The following KRT35 variants were observed in gnomAD, a reference collection of about 807,000 sequenced individuals.
KRT35 encodes the protein keratin, type I cuticular Ha5.
Under a neutral mutation model 42.2 loss-of-function variants are expected in KRT35, and 33 were observed. The ratio of observed to expected loss-of-function variants is 0.78; its 90% CI spans 0.59 to 1.05. The LOEUF (loss-of-function observed/expected upper bound fraction) is 1.05. KRT35 is among the 50% of genes least tolerant of loss of function. KRT35 has a pLI of 0.00. For synonymous variants in KRT35, 218 were observed against 238.2 expected, an observed-to-expected ratio of 0.92 and a Z score of 0.78; for missense variants, 585 against 589.2, an observed-to-expected ratio of 0.99 and a Z score of 0.07.
chr17:41,480,847 C>G lies in KRT35; in HGVS notation c.251G>C (p.Gly84Ala). Residue 84 changes from glycine to alanine, a missense_variant, in exon 1 of 7, where the codon GGT (glycine) becomes GCT (alanine). By Grantham distance (60) the Gly-to-Ala change is moderately conservative. Transcript: ENST00000246639. ...AGGFATSYSG[G>A]GGWFGEGILT... ...GATGCCCTCCCCAAACCAGCCCCCA[C>G]CCCCACTGTAGCTGGTAGCGAAGCC... 1 of 1,614,094 alleles carries G rather than the reference C, an allele frequency of 6.2e-7. No homozygotes were observed. Among genetic ancestry groups the G allele is most frequent in the Non-Finnish European group, 8.5e-7 (1 of 1,179,944 alleles).
rs1418100596 is a variant in KRT35, at chr17:41,478,593, C to A, written c.874-107G>T. ...AGCCAAGAAAGACATTCCCGATTCC[C>A]CAGTCCCACTCATTTATTTTATACT... is the stretch of plus-strand genomic sequence containing the variant. On this transcript the variant is annotated intron_variant, in intron 4 of 6. Coordinates refer to ENST00000246639, the MANE Select transcript of KRT35 (RefSeq NM_002280.6). 9 of 1,370,382 alleles carry A rather than the reference C, an allele frequency of 6.6e-6. No individual in the cohort carries two copies. The East Asian group carries it at 1.4e-4, about 21-fold the overall frequency. The allele number at this position is 1,370,382 out of a possible 1,614,324, so 84.9% of individuals were successfully genotyped here.
At position 41,478,938 on chromosome 17, in the gene KRT35, C is replaced by A. The variant is rs747436678; in HGVS notation, c.769G>T (p.Ala257Ser). The A allele has an allele frequency of 5.0e-6, 8 of 1,614,012 alleles. No homozygotes were observed. Among genetic ancestry groups the A allele is most frequent in the African/African-American group, 1.3e-5 (1 of 75,000 alleles). Reference sequence around the variant, plus strand: ...ACTCGGTTCAGGTCAACAGGTGGGGCAGCGTCCACCTCAACATTGAGGCGG... The same window carrying A: ...ACTCGGTTCAGGTCAACAGGTGGGGAAGCGTCCACCTCAACATTGAGGCGG... ...GDRLNVEVDA[A>S]PPVDLNRVLE... is the part of the protein sequence containing the mutation. The change falls in exon 4 of 7, where the codon GCC becomes TCC. Residue 257 changes from alanine (A) to serine (S), a missense_variant. Coordinates refer to ENST00000246639, the MANE Select transcript of KRT35 (RefSeq NM_002280.6).
At position 41,479,909 on chromosome 17, in the gene KRT35, C is replaced by G. The variant is rs186494029; in HGVS notation, c.472-128G>C. 40 of 715,842 alleles carry G rather than the reference C, an allele frequency of 5.6e-5. No homozygotes were observed. In the Admixed American group the frequency reaches 8.8e-4, roughly 16 times the overall value. The allele number at this position is 715,842 out of a possible 1,614,324, so 44.3% of individuals were successfully genotyped here. ...TCCTAGACCTCTGCTACTCCATGTGCATTGGAGTGTTATGGGCAGGCTCTA... is the reference window on the plus strand; with the variant it reads ...TCCTAGACCTCTGCTACTCCATGTGGATTGGAGTGTTATGGGCAGGCTCTA... On this transcript the variant is annotated intron_variant, in intron 1 of 6. Coordinates refer to ENST00000246639, the MANE Select transcript of KRT35 (RefSeq NM_002280.6).
rs547579168 is a variant in KRT35 at position 41,477,593 on chromosome 17, A to G, written c.1145T>C (p.Val382Ala). 8 of 1,614,148 alleles carry G rather than the reference A, an allele frequency of 5.0e-6. No homozygotes were observed. The African/African-American group carries it at 5.3e-5, about 11-fold the overall frequency. Reference sequence around the variant, plus strand: ...CAGCCGGGCCCGGACGTCCAGCAGCACCTGGTACTCCTGGTTCTGCCGCTC... The same window carrying G: ...CAGCCGGGCCCGGACGTCCAGCAGCGCCTGGTACTCCTGGTTCTGCCGCTC... ...DLERQNQEYQ[V>A]LLDVRARLEC... Residue 382 changes from valine to alanine, a missense_variant, in exon 6 of 7, where the codon GTG becomes GCG. Transcript: ENST00000246639.
chr17:41,478,482 T>G lies in KRT35; in HGVS notation c.878A>C (p.Glu293Ala), dbSNP rs752586895. The G allele has an allele frequency of 5.6e-6, 9 of 1,613,666 alleles. No homozygotes were observed. Among genetic ancestry groups the G allele is most frequent in the Non-Finnish European group, 6.8e-6 (8 of 1,179,816 alleles). ...DAEDWLDTQS[E>A]ELNQQVVSSS... ...GGACACCACCTGCTGGTTCAGCTCC[T>G]CACTCTGAAACATACACACACAGAA... Residue 293 changes from glutamate (E) to alanine (A), a missense_variant, in exon 5 of 7, where the codon GAG becomes GCG. Coordinates refer to ENST00000246639, the MANE Select transcript of KRT35 (RefSeq NM_002280.6).
rs919044461 is a variant in KRT35, at chr17:41,480,955, C to T, written c.143G>A (p.Ser48Asn). ...KLPSLSPVAR[S>N]FSACSVGLGR... ...CAGACCCACTGAGCAGGCAGAGAAACTTCTGGCCACAGGGGAGAGACTTGG... is the reference window on the plus strand; with the variant it reads ...CAGACCCACTGAGCAGGCAGAGAAATTTCTGGCCACAGGGGAGAGACTTGG... The change falls in exon 1 of 7, where the codon AGT becomes AAT. Residue 48 changes from serine to asparagine, a missense_variant. Ser to Asn is a conservative substitution (Grantham distance 46, BLOSUM62 1). Transcript: ENST00000246639. The T allele has an allele frequency of 1.9e-6, 3 of 1,614,196 alleles. No homozygotes were observed. The highest frequency in any genetic ancestry group is 2.7e-5 in the African/African-American group (2 of 75,062).
rs189349506 is a variant in KRT35 at position 41,479,416 on chromosome 17, C to T, written c.642G>A (p.Lys214=). Residue 214 remains lysine, a synonymous_variant, in exon 3 of 7, where the codon AAG becomes AAA. Coordinates refer to ENST00000246639, the MANE Select transcript of KRT35 (RefSeq NM_002280.6). ...RRILDDLTLC[K]SDLEAQVESL... ...ACTCCACCTGGGCCTCCAGGTCAGACTTGCACAGGGTCAGGTCATCCAGGA... is the reference window on the plus strand; with the variant it reads ...ACTCCACCTGGGCCTCCAGGTCAGATTTGCACAGGGTCAGGTCATCCAGGA... The T allele has an allele frequency of 3.1e-3, 4,976 of 1,614,170 alleles. 9 individuals carry two copies. Among genetic ancestry groups the T allele is most frequent in the Middle Eastern group, 5.4e-3 (33 of 6,062 alleles).
intron 3 of KRT35, 78 bp downstream of exon 3, chr17:41,479,268 AT>A: frequency 8.6e-7 from 1 of 1,160,894 alleles, no homozygotes; most frequent in Non-Finnish European, 1.2e-6. Context: ...CTCATCCCCA[AT>A]GCTCACCTCC....
Position 41,477,506 on chromosome 17 carries a change from A to G in KRT35, c.1220+12T>C. The G allele has an allele frequency of 6.2e-7, 1 of 1,612,874 alleles. No homozygotes were observed. Among genetic ancestry groups the G allele is most frequent in the Non-Finnish European group, 8.5e-7 (1 of 1,179,958 alleles). On this transcript the variant is annotated intron_variant, in intron 6 of 6. Coordinates refer to ENST00000246639, the MANE Select transcript of KRT35 (RefSeq NM_002280.6). The stretch of plus-strand genomic sequence containing the variant: ...GCAGTGAGAAGACAAGAGCACATGC[A>G]GTGATACTCACTTGCTGTCCTCACT...
Position 41,480,888 on chromosome 17 carries a change from G to T in KRT35, c.210C>A (p.Leu70=). The T allele has an allele frequency of 6.2e-7, 1 of 1,614,206 alleles. No homozygotes were observed. Among genetic ancestry groups the T allele is most frequent in the Non-Finnish European group, 8.5e-7 (1 of 1,180,020 alleles). ...SYRATSCLPA[L]CLPAGGFATS... is the part of the protein sequence containing the mutation. Reference sequence around the variant, plus strand: ...TAGCGAAGCCTCCAGCAGGGAGGCAGAGAGCAGGGAGGCAGCTGGTGGCCC... The same window carrying T: ...TAGCGAAGCCTCCAGCAGGGAGGCATAGAGCAGGGAGGCAGCTGGTGGCCC... Residue 70 remains leucine (L), a synonymous_variant, in exon 1 of 7, where the codon CTC becomes CTA. Coordinates refer to ENST00000246639, the MANE Select transcript of KRT35 (RefSeq NM_002280.6).
At chr17:41,480,467 G>A (rs1035595944) in intron 1 of KRT35, among the ~76,000 whole-genome samples, 160 bp downstream of exon 1, 1 of 152,112 alleles carries the variant, frequency 6.6e-6, no homozygotes. Context: ...TGTATAATGG[G>A]CTAATGATAC....
Position 41,479,488 on chromosome 17 carries a change from C to T in KRT35, c.570G>A (p.Val190=), listed in dbSNP as rs374193709. 23 of 1,613,842 alleles carry T rather than the reference C, an allele frequency of 1.4e-5. No homozygotes were observed. The African/African-American group carries it at 2.7e-4, about 19-fold the overall frequency. Residue 190 remains valine (V), a synonymous_variant, in exon 3 of 7, where the codon GTG becomes GTA. Coordinates refer to ENST00000246639, the MANE Select transcript of KRT35 (RefSeq NM_002280.6). ...CTGACTCCACCAGCTGCCGCAGGGA[C>T]ACCTCCGTCTCATACCTGCAGGCAT... ...DDFRTKYETE[V]SLRQLVESDI... is the part of the protein sequence containing the mutation.
intron 5 of KRT35, among the ~76,000 whole-genome samples, chr17:41,478,103 T>C (rs548132554): frequency 6.6e-6 from 1 of 152,198 alleles, no homozygotes; most frequent in Non-Finnish European, 1.5e-5. Flanking sequence ...TGATAGTTAC[T>C]CAGAAGATGT....
rs750937149 is a variant in KRT35, at chr17:41,478,450, C to T, written c.910G>A (p.Glu304Lys). Residue 304 changes from glutamate (E) to lysine (K), a missense_variant, in exon 5 of 7, where the codon GAG becomes AAG. Glu to Lys is a moderately conservative substitution (Grantham distance 56). Coordinates refer to ENST00000246639, the MANE Select transcript of KRT35 (RefSeq NM_002280.6). Reference protein sequence around the residue: ...ELNQQVVSSSEQLQSCQAEII... With the variant: ...ELNQQVVSSSKQLQSCQAEII... ...TCTGCCTGGCAGGACTGCAACTGCTCTGAGCTGGACACCACCTGCTGGTTC... is the reference window on the plus strand; with the variant it reads ...TCTGCCTGGCAGGACTGCAACTGCTTTGAGCTGGACACCACCTGCTGGTTC... 1 of 1,614,106 alleles carries T rather than the reference C, an allele frequency of 6.2e-7. No individual in the cohort carries two copies. Among genetic ancestry groups the T allele is most frequent in the South Asian group, 1.1e-5 (1 of 91,072 alleles).
In KRT35 at chr17:41,478,737, G is replaced by A. The variant is rs112354541; in HGVS notation, c.873+97C>T. 5.4e-6 allele frequency: 7 copies of A among 1,293,736 alleles called. No homozygotes were observed. In the African/African-American group the frequency reaches 8.9e-5, roughly 16 times the overall value. The allele number at this position is 1,293,736 out of a possible 1,614,324, so 80.1% of individuals were successfully genotyped here. A position where few individuals can be genotyped will look rare whatever the true frequency, so the allele number is the denominator to read the frequency against. ...TTGTCAGCAAGGTCAAAACAGAGAT[G>A]GGACTCAAAGTTAGATTTCTTGATT... On this transcript the variant is annotated intron_variant, in intron 4 of 6. Transcript: ENST00000246639.
At chr17:41,479,093 A>G in intron 3 of KRT35, 98 bp from the exon 4 acceptor site, 1 of 1,215,642 alleles carries the variant, frequency 8.2e-7, no homozygotes, top group Non-Finnish European at 1.2e-6. Context: ...CACCCCTCCT[A>G]ATGCTCACCT....
In KRT35 at chr17:41,479,491, C is replaced by G. The variant is rs1306697130; in HGVS notation, c.567G>C (p.Glu189Asp). 6.2e-7 allele frequency: 1 copy of G among 1,613,922 alleles called. No individual in the cohort carries two copies. Among genetic ancestry groups the G allele is most frequent in the Admixed American group, 1.7e-5 (1 of 60,026 alleles). Residue 189 changes from glutamate to aspartate, a missense_variant, in exon 3 of 7, where the codon GAG becomes GAC. By Grantham distance (45) the Glu-to-Asp change is conservative. Coordinates refer to ENST00000246639, the MANE Select transcript of KRT35 (RefSeq NM_002280.6). Reference sequence around the variant, plus strand: ...ACTCCACCAGCTGCCGCAGGGACACCTCCGTCTCATACCTGCAGGCATAGA... The same window carrying G: ...ACTCCACCAGCTGCCGCAGGGACACGTCCGTCTCATACCTGCAGGCATAGA... ...ADDFRTKYET[E>D]VSLRQLVESD...
At position 41,478,866 on chromosome 17, in the gene KRT35, G is replaced by T. The variant is rs149199223; in HGVS notation, c.841C>A (p.Arg281Ser). The change falls in exon 4 of 7, where the codon CGC (arginine) becomes AGC (serine). Residue 281 changes from arginine to serine, a missense_variant. Coordinates refer to ENST00000246639, the MANE Select transcript of KRT35 (RefSeq NM_002280.6). The stretch of plus-strand genomic sequence containing the variant: ...TCCAACCAGTCTTCAGCATCCCGGC[G>T]GTTATTCTCCACCAGGGTTTCATAC... ...CQYETLVENN[R>S]RDAEDWLDTQ... 6.2e-7 allele frequency: 1 copy of T among 1,613,896 alleles called. No homozygotes were observed. Among genetic ancestry groups the T allele is most frequent in the Non-Finnish European group, 8.5e-7 (1 of 1,179,906 alleles).
intron 6 of KRT35, 129 bp downstream of exon 6, chr17:41,477,389 C>CA (rs1478450582): frequency 7.9e-6 from 11 of 1,394,764 alleles, no homozygotes; most frequent in Middle Eastern, 2.6e-4. Flanking sequence ...GATGAGTTTT[C>CA]AGGAAGACCA....
Sources: allele counts gnomAD v4.1 joint callset (sites outside exome capture counted in the v4.1 genomes callset), GRCh38; gene constraint gnomAD v4.1.1; transcripts MANE v1.5; gene names NCBI Gene and HGNC (gene_info 2026-07-23, HGNC 2026-07-21).